Variants in MCTP1 observed in about 807,000 individuals in gnomAD.
MCTP1 encodes multiple C2 and transmembrane domain-containing protein 1.
In MCTP1, 69 loss-of-function variants were observed where a neutral mutation model predicts 120.6. The ratio of observed to expected loss-of-function variants is 0.57; its 90% CI spans 0.47 to 0.70. MCTP1 has a LOEUF of 0.70. MCTP1 is among the 30% of genes least tolerant of loss of function. MCTP1 has a pLI of 0.00. For missense variants in MCTP1, 1,203 were observed against 1,248.8 expected (o/e 0.96, Z 0.55); for synonymous variants, 529 against 493.1 (o/e 1.07, Z -0.96).
chr5:94,880,934 AGGGAATATGT>A (rs1799922797), intron 12 of MCTP1, among the ~76,000 whole-genome samples: 1 of 152,144 alleles, frequency 6.6e-6, no homozygotes, highest in African/African-American at 2.4e-5. Context: ...TCTATCACAT[AGGGAATATGT>A]GATCAATGTT....
intron 1 of MCTP1, among the ~76,000 whole-genome samples, chr5:95,156,964 G>C (rs1745196057): frequency 6.6e-6 from 1 of 152,128 alleles, no homozygotes; most frequent in Non-Finnish European, 1.5e-5. Flanking sequence ...TAGAGAGAGA[G>C]TCAAGCTTGC....
intron 19 of MCTP1, among the ~76,000 whole-genome samples, chr5:94,764,828 C>CAAAAAAAAAAAAAAA: frequency 1.1e-5 from 1 of 90,970 alleles, no homozygotes; most frequent in Non-Finnish European, 2.2e-5. Context: ...TGACCTGGAC[C>CAAAAAAAAAAAAAAA]AAAAAAAAAA....
intron 1 of MCTP1, among the ~76,000 whole-genome samples, chr5:95,203,891 C>T (rs1312847964): frequency 6.6e-6 from 1 of 152,148 alleles, no homozygotes; most frequent in Non-Finnish European, 1.5e-5. Flanking sequence ...CCAGGATATT[C>T]AATATTTATC....
intron 1 of MCTP1, among the ~76,000 whole-genome samples, chr5:95,276,821 G>A (rs1416626966): frequency 2.0e-5 from 3 of 151,638 alleles, no homozygotes; most frequent in Admixed American, 6.6e-5. Flanking sequence ...GCATGGTGGC[G>A]GGCGCCTGCA....
intron 2 of MCTP1, among the ~76,000 whole-genome samples, chr5:94,959,675 A>T (rs954123517): frequency 1.3e-4 from 20 of 152,158 alleles, no homozygotes; most frequent in Non-Finnish European, 2.8e-4. Context: ...AACAATTGCT[A>T]CAAAGAGAAT....
chr5:94,777,883 C>T (rs919831142), intron 19 of MCTP1, among the ~76,000 whole-genome samples: 2 of 151,152 alleles, frequency 1.3e-5, no homozygotes, highest in African/African-American at 4.9e-5. Flanking sequence ...AAAGCTCTGT[C>T]GATTTAAAAA....
intron 12 of MCTP1, among the ~76,000 whole-genome samples, chr5:94,874,603 G>C (rs1191327958): frequency 6.6e-6 from 1 of 152,042 alleles, no homozygotes; most frequent in Admixed American, 6.6e-5. Context: ...AGTCTTAAAG[G>C]TCTGGTGAAA....
chr5:94,826,750 G>C (rs1787164213), intron 17 of MCTP1: 1 of 233,874 alleles, frequency 4.3e-6, no homozygotes. Flanking sequence ...TGTTTTATCA[G>C]AGAGTAGGGT....
intron 12 of MCTP1, among the ~76,000 whole-genome samples, chr5:94,884,519 C>T (rs1349960228): frequency 6.7e-6 from 1 of 149,504 alleles, no homozygotes; most frequent in Non-Finnish European, 1.5e-5. Flanking sequence ...ATGAGTTGAA[C>T]GGTTCCCCAG....
chr5:94,739,878 G>C (rs371385641), intron 19 of MCTP1, among the ~76,000 whole-genome samples: 1 of 152,166 alleles, frequency 6.6e-6, no homozygotes, highest in East Asian at 1.9e-4. Flanking sequence ...ATGTTGGCCA[G>C]GCTGATCTCG....
chr5:95,004,293 TATTTAAAAGGG>T (rs980303680), intron 2 of MCTP1, among the ~76,000 whole-genome samples: 6 of 152,180 alleles, frequency 3.9e-5, no homozygotes, highest in African/African-American at 1.4e-4. Context: ...CTGAAACTTA[TATTTAAAAGGG>T]AAGCAGGGCA....
chr5:95,202,803 C>T (rs1036448771), intron 1 of MCTP1, among the ~76,000 whole-genome samples: 6 of 152,232 alleles, frequency 3.9e-5, no homozygotes, highest in African/African-American at 1.4e-4. Flanking sequence ...TCTCAGCTCA[C>T]TGCAACCACC....
chr5:94,871,909 G>A (rs958958234), intron 13 of MCTP1, among the ~76,000 whole-genome samples: 24 of 151,922 alleles, frequency 1.6e-4, no homozygotes, highest in African/African-American at 4.3e-4. Flanking sequence ...GATCATCGAC[G>A]TAGTTTCTGT....
intron 1 of MCTP1, among the ~76,000 whole-genome samples, chr5:95,210,779 C>T (rs1207260749): frequency 2.6e-5 from 4 of 151,994 alleles, no homozygotes; most frequent in African/African-American, 9.7e-5. Flanking sequence ...TCGATGGTCT[C>T]TACATTTTGG....
intron 1 of MCTP1, among the ~76,000 whole-genome samples, chr5:95,281,003 G>A (rs1760271600): frequency 6.6e-6 from 1 of 152,178 alleles, no homozygotes; most frequent in African/African-American, 2.4e-5. Context: ...GCTTATGCCA[G>A]GATCAAGCAG....
intron 1 of MCTP1, among the ~76,000 whole-genome samples, chr5:95,180,582 C>G (rs553914248): frequency 3.9e-5 from 6 of 152,096 alleles, no homozygotes; most frequent in African/African-American, 1.2e-4. Context: ...GTCTATCTCA[C>G]GTCTACAGTT....
chr5:94,906,316 C>A (rs1374904408), intron 10 of MCTP1, among the ~76,000 whole-genome samples: 2 of 151,966 alleles, frequency 1.3e-5, no homozygotes, highest in African/African-American at 4.8e-5. Flanking sequence ...CAAAACGCTG[C>A]CTCTACCAAA....
chr5:94,718,114 T>C (rs1580288765), intron 19 of MCTP1, among the ~76,000 whole-genome samples: 1 of 152,140 alleles, frequency 6.6e-6, no homozygotes, highest in East Asian at 1.9e-4. Flanking sequence ...CTTCAAACTA[T>C]ATTACAAGGC....
chr5:94,809,051 T>A (rs1580797789), intron 17 of MCTP1, among the ~76,000 whole-genome samples: 1 of 152,074 alleles, frequency 6.6e-6, no homozygotes, highest in Middle Eastern at 3.4e-3. Flanking sequence ...GACAACTAGA[T>A]AGGACTCATT....
Sources: allele counts gnomAD v4.1 joint callset (sites outside exome capture counted in the v4.1 genomes callset), GRCh38; gene constraint gnomAD v4.1.1; transcripts MANE v1.5; gene names NCBI Gene and HGNC (gene_info 2026-07-23, HGNC 2026-07-21).